Variants in APOL6 observed in about 807,000 individuals in gnomAD.
APOL6 encodes the protein apolipoprotein L, 6.
Under a neutral mutation model 2.4 loss-of-function variants are expected in APOL6, and 1 was observed. That is an observed-to-expected ratio of 0.41 (90% CI 0.15 to 1.94). The LOEUF is 1.94. Among genes scored for constraint, APOL6 ranks in the 30% most tolerant of loss-of-function variants. The pLI, the probability that APOL6 is intolerant of heterozygous loss-of-function variation, is 0.30. For missense variants in APOL6, 438 were observed against 429.2 expected, an observed-to-expected ratio of 1.02 and a Z score of -0.18; for synonymous variants, 189 against 169.3, an observed-to-expected ratio of 1.12 and a Z score of -0.90.
rs1307601170 is a variant in APOL6, at chr22:35,661,897, A to G, written c.*2301A>G. ...GCAATAGGAATTTTTCAAGTCCACT[A>G]TAAATCTTATCAAACCATGGTTGTA... On this transcript the variant is annotated 3_prime_UTR_variant, in exon 3 of 3. Transcript: ENST00000409652. 6.6e-6 allele frequency: 1 copy of G among 152,218 alleles called. No homozygotes were observed. Among genetic ancestry groups the G allele is most frequent in the Non-Finnish European group, 1.5e-5 (1 of 68,030 alleles). The allele number at this position is 152,218 out of a possible 1,614,324, so 9.4% of individuals were successfully genotyped here.
intron 1 of APOL6, among the ~76,000 whole-genome samples, chr22:35,654,678 A>G (rs1924797712): frequency 1.3e-5 from 2 of 152,280 alleles, no homozygotes; most frequent in African/African-American, 4.8e-5. Flanking sequence ...TACAATTTGT[A>G]CAAAGGGGCC....
chr22:35,654,538 C>CTATATA (rs1323398308), intron 1 of APOL6, among the ~76,000 whole-genome samples: 1 of 140,058 alleles, frequency 7.1e-6, no homozygotes, highest in South Asian at 2.2e-4. Flanking sequence ...CTCTCTCTCT[C>CTATATA]TCTATATATA....
intron 1 of APOL6, among the ~76,000 whole-genome samples, chr22:35,654,401 G>T (rs989435220): frequency 1.3e-5 from 2 of 151,786 alleles, no homozygotes; most frequent in Middle Eastern, 3.2e-3. Flanking sequence ...ACATAAACTC[G>T]GGTGTGGCTA....
chr22:35,649,431 C>T (rs998065382), intron 1 of APOL6, among the ~76,000 whole-genome samples: 12 of 142,516 alleles, frequency 8.4e-5, no homozygotes, highest in Admixed American at 7.0e-4. Flanking sequence ...GAGTGAGACC[C>T]GGTCTCAAAA....
At position 35,665,731 on chromosome 22, in the gene APOL6, A is replaced by G. The variant is rs529216044; in HGVS notation, c.*6135A>G. On this transcript the variant is annotated 3_prime_UTR_variant, in exon 3 of 3. Transcript: ENST00000409652. Reference sequence around the variant, plus strand: ...CTGTTTTTATTAGGGCTTCTTGTTTAGAAAGTTAAGTCACCTCTCTCAAAG... The same window carrying G: ...CTGTTTTTATTAGGGCTTCTTGTTTGGAAAGTTAAGTCACCTCTCTCAAAG... 6.6e-6 allele frequency: 1 copy of G among 152,352 alleles called. No homozygotes were observed. The highest frequency in any genetic ancestry group is 2.1e-4 in the South Asian group (1 of 4,830). 9.4% of individuals were successfully genotyped at this position (152,352 alleles called of 1,614,324 possible).
chr22:35,648,864 C>T (rs891735708), intron 1 of APOL6, among the ~76,000 whole-genome samples: 1 of 152,228 alleles, frequency 6.6e-6, no homozygotes, highest in African/African-American at 2.4e-5. Flanking sequence ...CATGCTAAAG[C>T]ATGCGATGTG....
In APOL6 at chr22:35,658,963, C is replaced by T. The variant is rs1202341070; in HGVS notation, c.399C>T (p.Ser133=). The T allele has an allele frequency of 3.5e-5, 57 of 1,613,692 alleles. No individual in the cohort carries two copies. Among genetic ancestry groups the T allele is most frequent in the Non-Finnish European group, 4.7e-5 (56 of 1,180,006 alleles). ...TCGTGAGTGGTACGTTGGAACGCTC[C>T]AAAAATAAAGAAGCCCAAGCACGGG... ...TSIVSGTLER[S]KNKEAQARAE... is the part of the protein sequence containing the mutation. The change falls in exon 3 of 3, where the codon TCC becomes TCT. Residue 133 remains serine (S), a synonymous_variant. Coordinates refer to ENST00000409652, the MANE Select transcript of APOL6 (RefSeq NM_030641.4).
At chr22:35,654,270 G>A (rs1203368670) in intron 1 of APOL6, among the ~76,000 whole-genome samples, 3 of 152,002 alleles carry the variant, frequency 2.0e-5, no homozygotes, top group Non-Finnish European at 4.4e-5. Context: ...TCAATCTCCC[G>A]TCTCTCTCCT....
rs1307304977 is a variant in APOL6 at position 35,660,969 on chromosome 22, G to A, written c.*1373G>A. ...AAAAAGCATATACATTTTTTAATGT[G>A]GGCCAGATGGCAGAAGCTTAAATAA... On this transcript the variant is annotated 3_prime_UTR_variant, in exon 3 of 3. Coordinates refer to ENST00000409652, the MANE Select transcript of APOL6 (RefSeq NM_030641.4). 1 of 152,136 alleles carries A rather than the reference G, an allele frequency of 6.6e-6. No homozygotes were observed. The highest frequency in any genetic ancestry group is 1.5e-5 in the Non-Finnish European group (1 of 68,028). The allele number at this position is 152,136 out of a possible 1,614,324, so 9.4% of individuals were successfully genotyped here.
chr22:35,664,324 G>C lies in APOL6; in HGVS notation c.*4728G>C, dbSNP rs1221968398. 1 of 152,176 alleles carries C rather than the reference G, an allele frequency of 6.6e-6. No homozygotes were observed. The highest frequency in any genetic ancestry group is 2.4e-5 in the African/African-American group (1 of 41,440). 9.4% of individuals were successfully genotyped at this position (152,176 alleles called of 1,614,324 possible). A position where few individuals can be genotyped will look rare whatever the true frequency, so the allele number is the denominator to read the frequency against. On this transcript the variant is annotated 3_prime_UTR_variant, in exon 3 of 3. Coordinates refer to ENST00000409652, the MANE Select transcript of APOL6 (RefSeq NM_030641.4). ...GGTTTAATGAAAACAGCTGCATCTT[G>C]AATTTAGTAAGATTACCATAACTTC...
Position 35,661,415 on chromosome 22 carries a change from AG to A in APOL6, c.*1822del, listed in dbSNP as rs1925025405. On this transcript the variant is annotated 3_prime_UTR_variant, in exon 3 of 3. Transcript: ENST00000409652. ...ATACAGTCATGTATCTCTTGGTGAC[AG>A]GGACGCATTCTGATAAATGTGTCAT... 1 of 151,802 alleles carries A rather than the reference AG, an allele frequency of 6.6e-6. No homozygotes were observed. Among genetic ancestry groups the A allele is most frequent in the African/African-American group, 2.4e-5 (1 of 41,392 alleles). 9.4% of individuals were successfully genotyped at this position (151,802 alleles called of 1,614,324 possible). A position where few individuals can be genotyped will look rare whatever the true frequency, so the allele number is the denominator to read the frequency against.
chr22:35,654,638 C>T (rs1601866027), intron 1 of APOL6, among the ~76,000 whole-genome samples: 1 of 151,562 alleles, frequency 6.6e-6, no homozygotes, highest in Non-Finnish European at 1.5e-5. Flanking sequence ...TTATAAATCA[C>T]AATATCACAA....
chr22:35,659,289 C>T lies in APOL6; in HGVS notation c.725C>T (p.Ala242Val). The T allele has an allele frequency of 6.2e-7, 1 of 1,614,160 alleles. No homozygotes were observed. The highest frequency in any genetic ancestry group is 8.5e-7 in the Non-Finnish European group (1 of 1,180,026). ...CGCGTGCTGGGAGGTGTGATGTCCG[C>T]CTTCTCCCTTGGCTATGACTTGGCC... ...NARVLGGVMSAFSLGYDLATL... is the reference protein window; with the variant it reads ...NARVLGGVMSVFSLGYDLATL... Residue 242 changes from alanine (A) to valine (V), a missense_variant, in exon 3 of 3, where the codon GCC becomes GTC. Physicochemically the swap from Ala to Val is moderately conservative, Grantham distance 64. Transcript: ENST00000409652.
chr22:35,664,588 T>A lies in APOL6; in HGVS notation c.*4992T>A, dbSNP rs1925119678. On this transcript the variant is annotated 3_prime_UTR_variant, in exon 3 of 3. Coordinates refer to ENST00000409652, the MANE Select transcript of APOL6 (RefSeq NM_030641.4). ...TTTTGCAATGGAAGTTTCATAACTTTAAATCATGACTATCACAGTTTTTAT... is the reference window on the plus strand; with the variant it reads ...TTTTGCAATGGAAGTTTCATAACTTAAAATCATGACTATCACAGTTTTTAT... The A allele has an allele frequency of 6.6e-6, 1 of 152,230 alleles. No individual in the cohort carries two copies. 9.4% of individuals were successfully genotyped at this position (152,230 alleles called of 1,614,324 possible). A position where few individuals can be genotyped will look rare whatever the true frequency, so the allele number is the denominator to read the frequency against.
At position 35,659,388 on chromosome 22, in the gene APOL6, C is replaced by T; in HGVS notation, c.824C>T (p.Ala275Val). 1 of 1,614,120 alleles carries T rather than the reference C, an allele frequency of 6.2e-7. No homozygotes were observed. The highest frequency in any genetic ancestry group is 1.1e-5 in the South Asian group (1 of 91,074). Residue 275 changes from alanine (A) to valine (V), a missense_variant, in exon 3 of 3, where the codon GCC becomes GTC. By Grantham distance (64) the Ala-to-Val change is moderately conservative. Transcript: ENST00000409652. ...TKFAEELRAK[A>V]LELERKLTEL... ...TTTGCGGAAGAGTTGAGAGCCAAGG[C>T]CTTGGAGCTGGAGAGGAAACTCACA...
chr22:35,658,959 G>T lies in APOL6; in HGVS notation c.395G>T (p.Arg132Leu). Residue 132 changes from arginine to leucine, a missense_variant, in exon 3 of 3, where the codon CGC becomes CTC. Coordinates refer to ENST00000409652, the MANE Select transcript of APOL6 (RefSeq NM_030641.4). Reference protein sequence around the residue: ...VTSIVSGTLERSKNKEAQARA... With the variant: ...VTSIVSGTLELSKNKEAQARA... ...AGCATCGTGAGTGGTACGTTGGAAC[G>T]CTCCAAAAATAAAGAAGCCCAAGCA... 6.2e-7 allele frequency: 1 copy of T among 1,613,866 alleles called. No homozygotes were observed. The highest frequency in any genetic ancestry group is 1.6e-4 in the Middle Eastern group (1 of 6,062).
chr22:35,667,878 G>A lies in APOL6; in HGVS notation c.*8282G>A, dbSNP rs1477374992. Reference sequence around the variant, plus strand: ...CATGGGGACTAAACAAAATTCTGAGGCCCCCTCAACCATCTAAATGGACTT... The same window carrying A: ...CATGGGGACTAAACAAAATTCTGAGACCCCCTCAACCATCTAAATGGACTT... On this transcript the variant is annotated 3_prime_UTR_variant, in exon 3 of 3. Coordinates refer to ENST00000409652, the MANE Select transcript of APOL6 (RefSeq NM_030641.4). 6.6e-6 allele frequency: 1 copy of A among 152,128 alleles called. No homozygotes were observed. The highest frequency in any genetic ancestry group is 1.9e-4 in the East Asian group (1 of 5,196). The allele number at this position is 152,128 out of a possible 1,614,324, so 9.4% of individuals were successfully genotyped here. A position where few individuals can be genotyped will look rare whatever the true frequency, so the allele number is the denominator to read the frequency against.
chr22:35,663,777 G>T lies in APOL6; in HGVS notation c.*4181G>T, dbSNP rs1410488415. 1 of 151,908 alleles carries T rather than the reference G, an allele frequency of 6.6e-6. No homozygotes were observed. The highest frequency in any genetic ancestry group is 2.1e-4 in the South Asian group (1 of 4,812). 9.4% of individuals were successfully genotyped at this position (151,908 alleles called of 1,614,324 possible). ...TTCCTTTAATGTGCAAAAATTTAAG[G>T]CTATTTAGCTGACAACTGCCTAGGG... is the stretch of plus-strand genomic sequence containing the variant. On this transcript the variant is annotated 3_prime_UTR_variant, in exon 3 of 3. Transcript: ENST00000409652.
chr22:35,659,741 A>G lies in APOL6; in HGVS notation c.*145A>G. The G allele has an allele frequency of 8.0e-7, 1 of 1,254,176 alleles. No individual in the cohort carries two copies. The highest frequency in any genetic ancestry group is 1.1e-6 in the Non-Finnish European group (1 of 932,892). The allele number at this position is 1,254,176 out of a possible 1,614,324, so 77.7% of individuals were successfully genotyped here. ...GCTCCTTAAGGCCTATGTGCTGGGA[A>G]AAGGGTCTTCCCTGTTTGTTTGTTT... On this transcript the variant is annotated 3_prime_UTR_variant, in exon 3 of 3. Transcript: ENST00000409652.
Sources: allele counts gnomAD v4.1 joint callset (sites outside exome capture counted in the v4.1 genomes callset), GRCh38; gene constraint gnomAD v4.1.1; transcripts MANE v1.5; gene names NCBI Gene and HGNC (gene_info 2026-07-23, HGNC 2026-07-21).